Variants in GLS observed in about 807,000 individuals in gnomAD.
GLS encodes the protein glutaminase kidney isoform, mitochondrial.
GLS carries 36 observed loss-of-function variants against 86.7 expected under a neutral mutation model. That is an observed-to-expected ratio of 0.42 (90% CI 0.32 to 0.55). The LOEUF (loss-of-function observed/expected upper bound fraction) is 0.55. Among genes scored for constraint, GLS ranks in the 20% least tolerant of loss-of-function variants. GLS has a pLI of 0.17. For missense variants in GLS, 528 were observed against 833.4 expected, an observed-to-expected ratio of 0.63 and a Z score of 4.51; for synonymous variants, 317 against 305.9, an observed-to-expected ratio of 1.04 and a Z score of -0.38.
intron 14 of GLS, among the ~76,000 whole-genome samples, chr2:190,952,859 A>G (rs1690754064): frequency 6.6e-6 from 1 of 152,246 alleles, no homozygotes; most frequent in African/African-American, 2.4e-5. Context: ...TTTTCAAATA[A>G]CTAGACTTTT....
intron 1 of GLS, among the ~76,000 whole-genome samples, chr2:190,882,781 G>C (rs1051388247): frequency 6.6e-6 from 1 of 152,200 alleles, no homozygotes; most frequent in African/African-American, 2.4e-5. Flanking sequence ...CCATGGACAG[G>C]TTATTTAATA....
intron 5 of GLS, among the ~76,000 whole-genome samples, chr2:190,902,668 A>G (rs1205323718): frequency 6.6e-6 from 1 of 152,220 alleles, no homozygotes. Context: ...GGAAAATGGT[A>G]AAGTTCTAGA....
At chr2:190,896,789 T>C (rs887377425) in intron 3 of GLS, among the ~76,000 whole-genome samples, 1 of 152,240 alleles carries the variant, frequency 6.6e-6, no homozygotes, top group Non-Finnish European at 1.5e-5. Flanking sequence ...ATTAGGAATT[T>C]TGACTTCCAG....
At chr2:190,884,400 T>TA in intron 1 of GLS, among the ~76,000 whole-genome samples, 1 of 152,372 alleles carries the variant, frequency 6.6e-6, no homozygotes, top group South Asian at 2.1e-4. Flanking sequence ...TGCGTACTGT[T>TA]ATGAGAGTAA....
chr2:190,932,706 G>T, intron 14 of GLS: 1 of 1,578,868 alleles, frequency 6.3e-7, no homozygotes, highest in South Asian at 1.2e-5. Flanking sequence ...TATGTTGCTT[G>T]AACAACTAGC....
intron 4 of GLS, among the ~76,000 whole-genome samples, chr2:190,901,001 T>G (rs1688921741): frequency 6.6e-6 from 1 of 152,188 alleles, no homozygotes; most frequent in South Asian, 2.1e-4. Flanking sequence ...TCCTTCAGTA[T>G]TAAACGAAAT....
chr2:190,960,224 G>A (rs1486561452), intron 17 of GLS, among the ~76,000 whole-genome samples: 1 of 151,900 alleles, frequency 6.6e-6, no homozygotes, highest in Non-Finnish European at 1.5e-5. Flanking sequence ...GTTTAGAATG[G>A]GAAAAAAACG....
Position 190,963,167 on chromosome 2 carries a change from A to G in GLS, c.*181A>G, listed in dbSNP as rs1691042955. 2.1e-6 allele frequency: 1 copy of G among 473,014 alleles called. No homozygotes were observed. The highest frequency in any genetic ancestry group is 3.7e-6 in the Non-Finnish European group (1 of 267,964). The allele number at this position is 473,014 out of a possible 1,614,324, so 29.3% of individuals were successfully genotyped here. A position where few individuals can be genotyped will look rare whatever the true frequency, so the allele number is the denominator to read the frequency against. On this transcript the variant is annotated 3_prime_UTR_variant, in exon 18 of 18. Coordinates refer to ENST00000320717, the MANE Select transcript of GLS (RefSeq NM_014905.5). ...GATCTCTTTGGGAAAAAATAGAAAT[A>G]AAACAATCTCCCTCCATAATGTGAG...
intron 7 of GLS, among the ~76,000 whole-genome samples, chr2:190,917,928 A>C (rs977360994): frequency 5.3e-5 from 8 of 152,112 alleles, no homozygotes; most frequent in African/African-American, 1.9e-4. Context: ...ATCTCTATTA[A>C]AAAACAAAAT....
intron 11 of GLS, 127 bp from the exon 12 acceptor site, chr2:190,927,179 A>T: frequency 3.9e-6 from 3 of 773,762 alleles, no homozygotes; most frequent in Non-Finnish European, 5.9e-6. Context: ...CCTCAAGTTT[A>T]TATTAAAGTA....
chr2:190,912,558 G>A (rs1689399355), intron 7 of GLS, among the ~76,000 whole-genome samples: 1 of 151,944 alleles, frequency 6.6e-6, no homozygotes, highest in African/African-American at 2.4e-5. Context: ...TGAAATTTAG[G>A]TAATAAAACC....
rs1162406978 is a variant in GLS, at chr2:190,930,070, G to GTT, written c.1426-354_1426-353dup. Among the ~76,000 whole-genome samples, 5 of 135,486 alleles carry GTT rather than the reference G, an allele frequency of 3.7e-5. No homozygotes were observed. The highest frequency in any genetic ancestry group is 2.4e-4 in the South Asian group (1 of 4,232). 88.9% of individuals were successfully genotyped at this position (135,486 alleles called of 152,430 possible). A position where few individuals can be genotyped will look rare whatever the true frequency, so the allele number is the denominator to read the frequency against. ...ATTTTTAAACCAATTTCCCAATTGT[G>GTT]TTTTTTTTTTTTTTGAAACTGGATC... On this transcript the variant is annotated intron_variant, in intron 12 of 17. Coordinates refer to ENST00000320717, the MANE Select transcript of GLS (RefSeq NM_014905.5). The surrounding 1 kb of genome is among the most constrained non-coding windows in gnomAD (Gnocchi z 5.0).
intron 14 of GLS, chr2:190,934,689 A>T (rs1690215700): frequency 5.1e-6 from 5 of 971,704 alleles, no homozygotes; most frequent in Non-Finnish European, 6.1e-6. Flanking sequence ...TTTAGTTTTC[A>T]TATCGTATAC....
intron 14 of GLS, among the ~76,000 whole-genome samples, chr2:190,940,496 T>G (rs1690393927): frequency 1.3e-5 from 2 of 152,094 alleles, no homozygotes; most frequent in Non-Finnish European, 2.9e-5. Flanking sequence ...CTTCCACCTA[T>G]CTGAATGCCC....
chr2:190,885,317 G>A (rs977760938), intron 1 of GLS, among the ~76,000 whole-genome samples: 4 of 151,636 alleles, frequency 2.6e-5, no homozygotes, highest in Non-Finnish European at 4.4e-5. Context: ...TCAGCCTCCC[G>A]AGTAGCTGGG....
intron 1 of GLS, among the ~76,000 whole-genome samples, chr2:190,886,730 A>G (rs1688391473): frequency 1.3e-5 from 2 of 152,170 alleles, no homozygotes; most frequent in Non-Finnish European, 2.9e-5. Flanking sequence ...AGCCTGGCCA[A>G]CATGGTGAAA....
chr2:190,889,292 A>G (rs926736268), intron 1 of GLS, among the ~76,000 whole-genome samples: 2 of 152,220 alleles, frequency 1.3e-5, no homozygotes, highest in Non-Finnish European at 2.9e-5. Context: ...ATTGAGGATT[A>G]TAAGAGATCT....
intron 3 of GLS, among the ~76,000 whole-genome samples, chr2:190,898,879 C>T (rs1399439886): frequency 6.6e-6 from 1 of 152,236 alleles, no homozygotes; most frequent in African/African-American, 2.4e-5. Context: ...CTGCCTGCCT[C>T]AGCCTCCCAA....
At chr2:190,881,563 G>A in intron 1 of GLS, 93 bp downstream of exon 1, 2 of 1,205,908 alleles carry the variant, frequency 1.7e-6, no homozygotes, top group Non-Finnish European at 2.3e-6. Context: ...GATAGGAGCC[G>A]AGGGTCTAGA....
Sources: gnomAD v4.1 joint callset for allele counts (sites outside exome capture counted in the v4.1 genomes callset) on GRCh38, gnomAD v4.1.1 for gene constraint, Gnocchi (gnomAD v3.1) non-coding constraint, MANE v1.5 for transcripts, NCBI Gene and HGNC (gene_info 2026-07-23, HGNC 2026-07-21) for gene names.